Variants in CDH2 observed in about 807,000 individuals in gnomAD.
CDH2 encodes cadherin 2, also known as cadherin-2.
In CDH2, 17 loss-of-function variants were observed where a neutral mutation model predicts 92.0. The observed-to-expected ratio is 0.18, with a 90% CI of 0.13 to 0.28. The LOEUF is 0.28. Among genes scored for constraint, CDH2 ranks in the 10% least tolerant of loss-of-function variants. CDH2 has a pLI of 1.00. For missense variants in CDH2, 862 were observed against 1,133.1 expected (o/e 0.76, Z 3.44); for synonymous variants, 419 against 415.9 (o/e 1.01, Z -0.09).
intron 2 of CDH2, among the ~76,000 whole-genome samples, chr18:28,121,784 C>T (rs1317438480): frequency 6.6e-6 from 1 of 152,070 alleles, no homozygotes; most frequent in African/African-American, 2.4e-5. Flanking sequence ...CATAGAAGCA[C>T]CTGTCTCAGT....
intron 1 of CDH2, among the ~76,000 whole-genome samples, chr18:28,155,427 G>GT (rs1437978616): frequency 2.0e-5 from 3 of 152,184 alleles, no homozygotes; most frequent in African/African-American, 4.8e-5. Flanking sequence ...TCTTTGTTCT[G>GT]TAAGTAACTG....
intron 1 of CDH2, among the ~76,000 whole-genome samples, chr18:28,166,499 T>C (rs1048970310): frequency 2.6e-5 from 4 of 152,048 alleles, no homozygotes; most frequent in Non-Finnish European, 5.9e-5. Flanking sequence ...ATGGTTATGA[T>C]ATTCTCCCCA....
chr18:28,174,568 A>AT (rs551887180), intron 1 of CDH2, among the ~76,000 whole-genome samples: 123 of 152,358 alleles, frequency 8.1e-4, no homozygotes, highest in Non-Finnish European at 1.4e-3. Context: ...AAAAGTCAAC[A>AT]TTGGTATAGA....
chr18:27,976,764 G>A (rs1253679695), intron 14 of CDH2, among the ~76,000 whole-genome samples: 1 of 152,162 alleles, frequency 6.6e-6, no homozygotes, highest in Non-Finnish European at 1.5e-5. Flanking sequence ...CATTGTGTCA[G>A]GTGATGTAGG....
chr18:27,974,494 G>A (rs976827804), intron 14 of CDH2, among the ~76,000 whole-genome samples: 1 of 152,212 alleles, frequency 6.6e-6, no homozygotes, highest in Non-Finnish European at 1.5e-5. Flanking sequence ...TGGACTACGT[G>A]TGAACAGATT....
intron 1 of CDH2, 108 bp downstream of exon 1, chr18:28,176,855 C>T: frequency 2.1e-6 from 1 of 477,820 alleles, no homozygotes; most frequent in Non-Finnish European, 2.8e-6. Context: ...CGTGGCACCT[C>T]CCTTCCCGGG....
intron 2 of CDH2, among the ~76,000 whole-genome samples, chr18:28,108,103 C>G (rs1175657065): frequency 1.3e-5 from 2 of 151,726 alleles, no homozygotes; most frequent in African/African-American, 2.4e-5. Context: ...TTTTTCCTCT[C>G]TATTTGATAG....
At chr18:28,028,021 T>C (rs1249807163) in intron 2 of CDH2, among the ~76,000 whole-genome samples, 1 of 152,094 alleles carries the variant, frequency 6.6e-6, no homozygotes, top group Non-Finnish European at 1.5e-5. Context: ...TGGTTACTTA[T>C]GTCAACAAAG....
At chr18:27,963,895 A>T (rs1178558954) in intron 14 of CDH2, among the ~76,000 whole-genome samples, 1 of 152,146 alleles carries the variant, frequency 6.6e-6, no homozygotes, top group Non-Finnish European at 1.5e-5. Context: ...GAGGGTGGTT[A>T]TTCTTCCTTT....
intron 2 of CDH2, among the ~76,000 whole-genome samples, chr18:28,133,719 C>G (rs188705105): frequency 6.6e-6 from 1 of 151,872 alleles, no homozygotes; most frequent in Admixed American, 6.6e-5. Flanking sequence ...TATGCTAGCT[C>G]TTAACAACAA....
chr18:28,142,323 T>C (rs1487196360), intron 2 of CDH2, among the ~76,000 whole-genome samples: 1 of 151,964 alleles, frequency 6.6e-6, no homozygotes, highest in East Asian at 1.9e-4. Context: ...CTGAAGGCTA[T>C]GAAGAACTAC....
intron 1 of CDH2, among the ~76,000 whole-genome samples, chr18:28,162,468 T>C (rs1329051107): frequency 1.3e-5 from 2 of 152,300 alleles, no homozygotes; most frequent in South Asian, 2.1e-4. Context: ...GACACTTGCA[T>C]CTCCGAGTCA....
rs138076138 is a variant in CDH2, at chr18:28,175,223, T to C, written c.60+1740A>G. Among the ~76,000 whole-genome samples, 316 of 152,156 alleles carry C rather than the reference T, an allele frequency of 2.1e-3. 2 individuals are homozygous for C. Among genetic ancestry groups the C allele is most frequent in the African/African-American group, 7.2e-3 (297 of 41,528 alleles). On this transcript the variant is annotated intron_variant, in intron 1 of 15. Coordinates refer to ENST00000269141, the MANE Select transcript of CDH2 (RefSeq NM_001792.5). ...GACTGGCAGGTCTCCTCCCCCAAGT[T>C]AGAAGGAATTCCATCCACTCTCCAA...
At chr18:27,949,923 T>A (rs1598980292), downstream of CDH2, among the ~76,000 whole-genome samples, 1 of 151,982 alleles carries the variant, frequency 6.6e-6, no homozygotes, top group Non-Finnish European at 1.5e-5. Flanking sequence ...ACATCAACCA[T>A]AAGAAAATCA....
intron 15 of CDH2, among the ~76,000 whole-genome samples, chr18:27,957,212 G>A (rs1281308653): frequency 6.6e-6 from 1 of 151,530 alleles, no homozygotes; most frequent in Non-Finnish European, 1.5e-5. Flanking sequence ...CCATGACTTA[G>A]GAGTCATTCC....
At chr18:28,149,601 T>C (rs1352994896) in intron 1 of CDH2, among the ~76,000 whole-genome samples, 1 of 152,058 alleles carries the variant, frequency 6.6e-6, no homozygotes, top group Admixed American at 6.6e-5. Flanking sequence ...TATATAAAAT[T>C]TAAACACAAA....
chr18:27,980,159 C>T (rs532394510), intron 14 of CDH2, among the ~76,000 whole-genome samples: 268 of 152,228 alleles, frequency 1.8e-3, no homozygotes, highest in Non-Finnish European at 2.5e-3. Flanking sequence ...GGATAAATCA[C>T]CCAAACTTTG....
intron 1 of CDH2, among the ~76,000 whole-genome samples, chr18:28,153,327 T>G (rs1485002484): frequency 6.6e-6 from 1 of 152,224 alleles, no homozygotes; most frequent in Non-Finnish European, 1.5e-5. Flanking sequence ...CTGCTGATTT[T>G]GGGTCCTTAG....
intron 1 of CDH2, among the ~76,000 whole-genome samples, chr18:28,164,829 A>G (rs1195752680): frequency 2.6e-5 from 4 of 152,148 alleles, no homozygotes. Flanking sequence ...CAGAATTAAC[A>G]CTCTACATAC....
Sources: gnomAD v4.1 joint callset for allele counts (sites outside exome capture counted in the v4.1 genomes callset) on GRCh38, gnomAD v4.1.1 for gene constraint, MANE v1.5 for transcripts, NCBI Gene and HGNC (gene_info 2026-07-23, HGNC 2026-07-21) for gene names.